DPY19L1: variants seen among roughly 807,000 people sequenced by gnomAD.
DPY19L1 encodes dpy-19 like C-mannosyltransferase 1, also known as protein C-mannosyl-transferase DPY19L1.
In DPY19L1, 35 loss-of-function variants were observed where a neutral mutation model predicts 96.9. The ratio of observed to expected loss-of-function variants is 0.36; its 90% CI spans 0.28 to 0.48. The LOEUF (loss-of-function observed/expected upper bound fraction) is 0.48. Ranked by LOEUF, DPY19L1 falls within the 20% of genes least tolerant of loss-of-function variation. DPY19L1 has a pLI of 0.99. For synonymous variants in DPY19L1, 205 were observed against 252.6 expected, an observed-to-expected ratio of 0.81 and a Z score of 1.79; for missense variants, 521 against 777.9, an observed-to-expected ratio of 0.67 and a Z score of 3.93.
intron 7 of DPY19L1, among the ~76,000 whole-genome samples, chr7:34,983,635 A>G (rs890295587): frequency 4.1e-4 from 62 of 151,400 alleles, no homozygotes; most frequent in African/African-American, 1.4e-3. Context: ...GCCAACTCCT[A>G]TACATGGCAA....
chr7:34,947,770 G>A, intron 14 of DPY19L1, 69 bp from the exon 15 acceptor site: 1 of 1,258,674 alleles, frequency 7.9e-7, no homozygotes, highest in Non-Finnish European at 1.1e-6. Context: ...TTCAAATAAT[G>A]AAATAGGTAA....
chr7:35,005,676 G>A (rs1785536656), intron 6 of DPY19L1, among the ~76,000 whole-genome samples: 1 of 150,936 alleles, frequency 6.6e-6, no homozygotes, highest in Non-Finnish European at 1.5e-5. Flanking sequence ...AGCCAGGTGT[G>A]GTGGTGCGCG....
intron 7 of DPY19L1, among the ~76,000 whole-genome samples, chr7:34,981,243 A>G (rs1784932607): frequency 6.6e-6 from 1 of 152,246 alleles, no homozygotes; most frequent in Non-Finnish European, 1.5e-5. Flanking sequence ...GCAATGGATT[A>G]TAAAACATTG....
chr7:35,028,013 A>G (rs1238620928), intron 1 of DPY19L1, among the ~76,000 whole-genome samples: 1 of 152,250 alleles, frequency 6.6e-6, no homozygotes, highest in East Asian at 1.9e-4. Flanking sequence ...ACAGTTAAGA[A>G]AAAATTAGAA....
At chr7:34,982,066 T>C (rs1784951180) in intron 7 of DPY19L1, among the ~76,000 whole-genome samples, 1 of 152,212 alleles carries the variant, frequency 6.6e-6, no homozygotes, top group Non-Finnish European at 1.5e-5. Context: ...TCAAAAATGT[T>C]AATGCCATGA....
intron 7 of DPY19L1, among the ~76,000 whole-genome samples, chr7:34,978,874 T>G (rs1392330743): frequency 1.3e-5 from 2 of 152,066 alleles, no homozygotes; most frequent in African/African-American, 4.8e-5. Context: ...GTTTTGGACT[T>G]TTTGAGTATT....
chr7:35,008,728 A>G (rs1178973477), intron 6 of DPY19L1, among the ~76,000 whole-genome samples: 1 of 152,206 alleles, frequency 6.6e-6, no homozygotes, highest in Non-Finnish European at 1.5e-5. Flanking sequence ...AGGGTAGCAT[A>G]AGTGCAGATT....
At chr7:34,991,758 T>C (rs1312060718) in intron 6 of DPY19L1, among the ~76,000 whole-genome samples, 1 of 152,236 alleles carries the variant, frequency 6.6e-6, no homozygotes, top group Non-Finnish European at 1.5e-5. Context: ...TCTCTCTCTC[T>C]AACCACACAA....
chr7:34,987,739 A>G (rs1316024602), intron 7 of DPY19L1, among the ~76,000 whole-genome samples: 4 of 152,018 alleles, frequency 2.6e-5, no homozygotes, highest in African/African-American at 7.2e-5. Flanking sequence ...ATTTCTGTCC[A>G]TAGAAAAAGT....
intron 10 of DPY19L1, among the ~76,000 whole-genome samples, chr7:34,963,266 A>T (rs1031097445): frequency 6.6e-6 from 1 of 152,122 alleles, no homozygotes; most frequent in Non-Finnish European, 1.5e-5. Context: ...TTTTTAATTA[A>T]GAAACAAAAA....
intron 21 of DPY19L1, among the ~76,000 whole-genome samples, chr7:34,936,487 T>C (rs1584197062): frequency 3.9e-5 from 6 of 152,278 alleles, no homozygotes; most frequent in African/African-American, 1.4e-4. Flanking sequence ...CCCAAAGAAA[T>C]AAAGAAGATC....
At chr7:35,000,957 A>G (rs1203478417) in intron 6 of DPY19L1, among the ~76,000 whole-genome samples, 1 of 152,226 alleles carries the variant, frequency 6.6e-6, no homozygotes, top group Admixed American at 6.5e-5. Context: ...GTATTCTCAG[A>G]GACAGTAGAG....
intron 10 of DPY19L1, 92 bp from the exon 11 acceptor site, chr7:34,958,162 CA>C (rs1475718155): frequency 1.1e-4 from 90 of 789,674 alleles, no homozygotes; most frequent in Admixed American, 1.1e-3. Flanking sequence ...CCATAATAAA[CA>C]AAATTCAAAC....
chr7:34,933,237 C>G (rs1403025039), intron 21 of DPY19L1, among the ~76,000 whole-genome samples: 1 of 152,142 alleles, frequency 6.6e-6, no homozygotes, highest in African/African-American at 2.4e-5. Flanking sequence ...TTTGGTGCAC[C>G]CACCACCAGA....
At chr7:34,966,852 T>C (rs1186833612) in intron 10 of DPY19L1, 42 bp downstream of exon 10, 2 of 1,455,396 alleles carry the variant, frequency 1.4e-6, no homozygotes, top group Non-Finnish European at 9.2e-7. Flanking sequence ...TCAGGAGTTT[T>C]AAGGGCAAAC....
rs1436326850 is a variant in DPY19L1, at chr7:34,930,173, A to T, written c.*1400T>A. ...AATCTGCCTGTGGTTAAGAAAGAGA[A>T]GCTGTATAATTAAATGTGTAGTCTG... On this transcript the variant is annotated 3_prime_UTR_variant, in exon 22 of 22. Transcript: ENST00000638088. 6.6e-6 allele frequency: 1 copy of T among 152,220 alleles called. No homozygotes were observed. Among genetic ancestry groups the T allele is most frequent in the Non-Finnish European group, 1.5e-5 (1 of 68,032 alleles). The allele number at this position is 152,220 out of a possible 1,614,324, so 9.4% of individuals were successfully genotyped here. A position where few individuals can be genotyped will look rare whatever the true frequency, so the allele number is the denominator to read the frequency against.
intron 1 of DPY19L1, among the ~76,000 whole-genome samples, chr7:35,028,712 T>C (rs946594115): frequency 1.3e-5 from 2 of 152,220 alleles, no homozygotes; most frequent in African/African-American, 2.4e-5. Flanking sequence ...TTTGGGCTGC[T>C]GGACTAAGGA....
At chr7:35,027,217 GAA>G (rs961985539) in intron 1 of DPY19L1, among the ~76,000 whole-genome samples, 1 of 144,930 alleles carries the variant, frequency 6.9e-6, no homozygotes, top group Admixed American at 6.8e-5. Context: ...AGAAAAAAAA[GAA>G]AAAAAAAAGA....
intron 1 of DPY19L1, among the ~76,000 whole-genome samples, chr7:35,027,689 T>G (rs1369590294): frequency 3.3e-5 from 2 of 60,950 alleles, no homozygotes; most frequent in Non-Finnish European, 7.9e-5. Context: ...AAAAAAAAAA[T>G]TAGTTGGGCA....
Sources: allele counts gnomAD v4.1 joint callset (sites outside exome capture counted in the v4.1 genomes callset), GRCh38; gene constraint gnomAD v4.1.1; transcripts MANE v1.5; gene names NCBI Gene and HGNC (gene_info 2026-07-23, HGNC 2026-07-21).